The following SHISA6 variants were observed in gnomAD, a reference collection of about 807,000 sequenced individuals.
The protein encoded by SHISA6 is protein shisa-6.
In SHISA6, 22 loss-of-function variants were observed where a neutral mutation model predicts 47.9. That is an observed-to-expected ratio of 0.46 (90% CI 0.33 to 0.66). The LOEUF is 0.66. Among genes scored for constraint, SHISA6 ranks in the 30% least tolerant of loss-of-function variants. The pLI is 0.02. For missense variants in SHISA6, 680 were observed against 764.6 expected (o/e 0.89, Z 1.30); for synonymous variants, 388 against 337.8 (o/e 1.15, Z -1.63).
At chr17:11,307,146 TTTTTTTC>T (rs1182833801) in intron 2 of SHISA6, among the ~76,000 whole-genome samples, 2 of 150,324 alleles carry the variant, frequency 1.3e-5, no homozygotes, top group Non-Finnish European at 3.0e-5. Context: ...TTGTTTTCTT[TTTTTTTC>T]TTTTTTTCTT....
At chr17:11,307,989 C>T (rs1020557973) in intron 2 of SHISA6, among the ~76,000 whole-genome samples, 1 of 152,084 alleles carries the variant, frequency 6.6e-6, no homozygotes, top group Non-Finnish European at 1.5e-5. Context: ...CTTCCGGTGC[C>T]TCCAAATAAT....
At chr17:11,304,655 T>C (rs745976511) in intron 2 of SHISA6, among the ~76,000 whole-genome samples, 1 of 152,114 alleles carries the variant, frequency 6.6e-6, no homozygotes, top group Non-Finnish European at 1.5e-5. Context: ...AGGGCTATGC[T>C]TCAGTGATGA....
intron 3 of SHISA6, among the ~76,000 whole-genome samples, chr17:11,467,065 G>C (rs986107068): frequency 6.6e-6 from 1 of 152,086 alleles, no homozygotes; most frequent in South Asian, 2.1e-4. Context: ...TCTTTAACAT[G>C]GACTATCCCT....
At chr17:11,425,245 AAACCAGAAAGGTTTGTTTCC>A (rs1352090061) in intron 3 of SHISA6, among the ~76,000 whole-genome samples, 1 of 151,856 alleles carries the variant, frequency 6.6e-6, no homozygotes, top group Non-Finnish European at 1.5e-5. Context: ...GGTTGGAAAC[AAACCAGAAAGGTTTGTTTCC>A]AACCCTTGTA....
At chr17:11,304,411 C>G (rs1485446428) in intron 2 of SHISA6, among the ~76,000 whole-genome samples, 1 of 152,178 alleles carries the variant, frequency 6.6e-6, no homozygotes, top group African/African-American at 2.4e-5. Context: ...AAGATGACGG[C>G]CCCTGCTTGA....
At chr17:11,493,190 G>A (rs1196458401) in intron 3 of SHISA6, among the ~76,000 whole-genome samples, 1 of 152,064 alleles carries the variant, frequency 6.6e-6, no homozygotes, top group Non-Finnish European at 1.5e-5. Context: ...AGCCAAATAG[G>A]ACTCCTAAAA....
chr17:11,441,200 A>G (rs2142297458), intron 3 of SHISA6, among the ~76,000 whole-genome samples: 1 of 152,350 alleles, frequency 6.6e-6, no homozygotes, highest in South Asian at 2.1e-4. Context: ...GGCAGTCCAA[A>G]GGCTGATTTC....
At chr17:11,283,038 G>A (rs1909175105) in intron 2 of SHISA6, among the ~76,000 whole-genome samples, 1 of 152,178 alleles carries the variant, frequency 6.6e-6, no homozygotes, top group East Asian at 1.9e-4. Context: ...TGAATTTGGA[G>A]CACCAGACCT....
chr17:11,276,855 G>A (rs966590083), intron 2 of SHISA6, among the ~76,000 whole-genome samples: 17 of 152,298 alleles, frequency 1.1e-4, no homozygotes, highest in South Asian at 6.2e-4. Context: ...TATCTTCTCA[G>A]TTCAAGGATG....
chr17:11,447,155 A>G (rs1217359990), intron 3 of SHISA6, among the ~76,000 whole-genome samples: 1 of 152,254 alleles, frequency 6.6e-6, no homozygotes, highest in Non-Finnish European at 1.5e-5. Flanking sequence ...GGTGTGTTTA[A>G]CAAATGATAC....
intron 3 of SHISA6, among the ~76,000 whole-genome samples, chr17:11,431,647 C>T (rs1247332631): frequency 6.6e-6 from 1 of 152,098 alleles, no homozygotes; most frequent in Non-Finnish European, 1.5e-5. Flanking sequence ...CAGAAAACCC[C>T]ACTGTAGCGA....
intron 3 of SHISA6, among the ~76,000 whole-genome samples, chr17:11,399,027 A>G (rs552112887): frequency 6.6e-6 from 1 of 151,670 alleles, no homozygotes; most frequent in African/African-American, 2.4e-5. Flanking sequence ...CACTTGCTGT[A>G]TATTTTTTTC....
intron 2 of SHISA6, among the ~76,000 whole-genome samples, chr17:11,284,879 G>T (rs969138259): frequency 3.3e-5 from 5 of 152,170 alleles, no homozygotes; most frequent in African/African-American, 9.7e-5. Context: ...CTTGTCCAGG[G>T]CTCCATTCCT....
chr17:11,429,243 G>A (rs570636714), intron 3 of SHISA6, among the ~76,000 whole-genome samples: 10 of 152,242 alleles, frequency 6.6e-5, no homozygotes, highest in South Asian at 4.1e-4. Context: ...CAGCTGCATC[G>A]TCAGAGTGGT....
intron 3 of SHISA6, among the ~76,000 whole-genome samples, chr17:11,522,222 C>T (rs1181871456): frequency 2.0e-5 from 3 of 152,052 alleles, no homozygotes; most frequent in African/African-American, 7.2e-5. Flanking sequence ...GCCTCAGCCT[C>T]CCAAAGTGCT....
At chr17:11,477,422 A>G (rs1597539257) in intron 3 of SHISA6, among the ~76,000 whole-genome samples, 2 of 152,066 alleles carry the variant, frequency 1.3e-5, no homozygotes, top group South Asian at 4.2e-4. Flanking sequence ...CAGTTAAACT[A>G]CTTTTTTTTA....
chr17:11,344,046 G>A (rs541937125), intron 2 of SHISA6, among the ~76,000 whole-genome samples: 3 of 152,276 alleles, frequency 2.0e-5, no homozygotes, highest in African/African-American at 7.2e-5. Flanking sequence ...GTGTCTTATA[G>A]TGGTTTTGGT....
intron 2 of SHISA6, among the ~76,000 whole-genome samples, chr17:11,365,473 T>G (rs1018180764): frequency 1.3e-5 from 2 of 152,188 alleles, no homozygotes; most frequent in Admixed American, 1.3e-4. Context: ...AGATGGGGTT[T>G]TACCATGTTG....
intron 3 of SHISA6, among the ~76,000 whole-genome samples, chr17:11,497,696 C>T (rs9916233): frequency 0.01 from 1,535 of 152,256 alleles, 26 homozygotes; most frequent in African/African-American, 0.034. Flanking sequence ...ATGGGTTAAG[C>T]TTCTCACTCC....
Sources: allele counts gnomAD v4.1 joint callset (sites outside exome capture counted in the v4.1 genomes callset), GRCh38; gene constraint gnomAD v4.1.1; transcripts MANE v1.5; gene names NCBI Gene and HGNC (gene_info 2026-07-23, HGNC 2026-07-21).